The following RBFOX1 variants were observed in gnomAD, a reference collection of about 807,000 sequenced individuals.
The protein encoded by RBFOX1 is RNA binding fox-1 homolog 1, also known as RNA binding protein fox-1 homolog 1.
Under a neutral mutation model 57.7 loss-of-function variants are expected in RBFOX1, and 8 were observed. That is an observed-to-expected ratio of 0.14 (90% CI 0.08 to 0.25). The LOEUF is 0.25. RBFOX1 is among the 10% of genes least tolerant of loss of function. The probability of loss-of-function intolerance (pLI) is 1.00; values close to 1 mark genes in which losing one functional copy is unlikely to be tolerated. For synonymous variants in RBFOX1, 326 were observed against 222.4 expected (o/e 1.47, Z -4.15); for missense variants, 611 against 548.5 (o/e 1.11, Z -1.14).
intron 4 of RBFOX1, among the ~76,000 whole-genome samples, chr16:7,470,990 G>A (rs2061451298): frequency 6.6e-6 from 1 of 151,764 alleles, no homozygotes; most frequent in South Asian, 2.1e-4. Flanking sequence ...TGATCCTACT[G>A]CCAAGATAGA....
chr16:7,426,374 G>A (rs1165830474), intron 4 of RBFOX1, among the ~76,000 whole-genome samples: 1 of 152,186 alleles, frequency 6.6e-6, no homozygotes, highest in Admixed American at 6.5e-5. Context: ...AGCTCTGGGG[G>A]CACCATGGGC....
At chr16:7,374,953 G>C (rs1013484513) in intron 4 of RBFOX1, among the ~76,000 whole-genome samples, 3 of 152,184 alleles carry the variant, frequency 2.0e-5, no homozygotes, top group Admixed American at 6.5e-5. Context: ...ACGGAGCCTG[G>C]AGTAATTTAA....
chr16:7,413,073 T>A (rs1448146805), intron 4 of RBFOX1, among the ~76,000 whole-genome samples: 4 of 151,498 alleles, frequency 2.6e-5, no homozygotes, highest in African/African-American at 9.7e-5. Context: ...AAAATAAAAA[T>A]AAAATAAAAA....
intron 4 of RBFOX1, among the ~76,000 whole-genome samples, chr16:7,251,738 G>T (rs1053707035): frequency 1.2e-4 from 18 of 152,080 alleles, no homozygotes; most frequent in Non-Finnish European, 2.2e-4. Context: ...TCATCTGTCA[G>T]TGCACGCTTA....
At chr16:5,860,176 G>C (rs932677802) in intron 3 of RBFOX1, among the ~76,000 whole-genome samples, 5 of 152,078 alleles carry the variant, frequency 3.3e-5, no homozygotes, top group Admixed American at 1.3e-4. Flanking sequence ...TCCGCCTCCT[G>C]GATTCAAGTG....
At chr16:6,610,022 C>CAA (rs1449232939) in intron 2 of RBFOX1, among the ~76,000 whole-genome samples, 1 of 151,178 alleles carries the variant, frequency 6.6e-6, no homozygotes, top group Admixed American at 6.6e-5. Flanking sequence ...CAAAACAAAA[C>CAA]AAAACAAAAC....
chr16:6,020,011 A>C lies in RBFOX1; in HGVS notation c.-127+19A>C. On this transcript the variant is annotated intron_variant, in intron 1 of 15. Coordinates refer to ENST00000550418, the MANE Select transcript of RBFOX1 (RefSeq NM_018723.4). ...GTTCTAGGTAAGTCCAGGCGGAGTCATTGCCTCTGCACCCACCCTGACCTG... is the reference window on the plus strand; with the variant it reads ...GTTCTAGGTAAGTCCAGGCGGAGTCCTTGCCTCTGCACCCACCCTGACCTG... 1.4e-5 allele frequency: 21 copies of C among 1,507,130 alleles called. No individual in the cohort carries two copies. The highest frequency in any genetic ancestry group is 1.8e-5 in the Non-Finnish European group (20 of 1,127,656). The allele number at this position is 1,507,130 out of a possible 1,614,324, so 93.4% of individuals were successfully genotyped here.
At chr16:6,397,572 G>A (rs1400248190) in intron 2 of RBFOX1, among the ~76,000 whole-genome samples, 1 of 152,202 alleles carries the variant, frequency 6.6e-6, no homozygotes, top group Non-Finnish European at 1.5e-5. Flanking sequence ...GAAAGGAAAT[G>A]ATGCTAGGTG....
chr16:7,344,306 G>A (rs1406892644), intron 4 of RBFOX1, among the ~76,000 whole-genome samples: 10 of 148,940 alleles, frequency 6.7e-5, no homozygotes, highest in Admixed American at 1.3e-4. Context: ...AATATAGTCA[G>A]GGCTAAAAAA....
intron 1 of RBFOX1, among the ~76,000 whole-genome samples, chr16:5,339,083 C>G (rs182279811): frequency 6.6e-6 from 1 of 151,960 alleles, no homozygotes; most frequent in South Asian, 2.1e-4. Context: ...ACAGTTACCA[C>G]GATGTACAGT....
At chr16:6,999,565 A>G (rs1289656065) in intron 3 of RBFOX1, among the ~76,000 whole-genome samples, 3 of 152,114 alleles carry the variant, frequency 2.0e-5, no homozygotes, top group Non-Finnish European at 4.4e-5. Context: ...AGAATAGTAT[A>G]CTGATCCCTC....
intron 3 of RBFOX1, among the ~76,000 whole-genome samples, chr16:5,847,090 G>A (rs926640530): frequency 3.9e-5 from 6 of 152,152 alleles, no homozygotes; most frequent in African/African-American, 9.7e-5. Flanking sequence ...AGGGAATTCC[G>A]AAGTGGCTGT....
chr16:5,938,798 C>A (rs1387803854), intron 4 of RBFOX1, among the ~76,000 whole-genome samples: 1 of 152,120 alleles, frequency 6.6e-6, no homozygotes, highest in Non-Finnish European at 1.5e-5. Flanking sequence ...GGAAGCCCAG[C>A]TGAAAACAGA....
chr16:6,350,524 C>G (rs965423075), intron 2 of RBFOX1, among the ~76,000 whole-genome samples: 2 of 138,564 alleles, frequency 1.4e-5, no homozygotes, highest in African/African-American at 5.5e-5. Context: ...ATATACTTCC[C>G]AACTTCTAAG....
intron 2 of RBFOX1, among the ~76,000 whole-genome samples, chr16:6,539,871 C>G (rs552722811): frequency 1.5e-5 from 2 of 130,518 alleles, no homozygotes; most frequent in Admixed American, 7.8e-5. Context: ...TTCCTACAAG[C>G]TGTCTTTTTG....
chr16:7,617,368 T>C (rs566712266), intron 10 of RBFOX1, among the ~76,000 whole-genome samples: 3 of 152,192 alleles, frequency 2.0e-5, no homozygotes, highest in Non-Finnish European at 4.4e-5. Flanking sequence ...TGTCACAAAA[T>C]AGTTGTTTTT....
chr16:6,552,031 G>C (rs769167937), intron 2 of RBFOX1, among the ~76,000 whole-genome samples: 85 of 152,306 alleles, frequency 5.6e-4, no homozygotes, highest in Admixed American at 1.0e-3. Flanking sequence ...GGAGAGGAAA[G>C]GATGAATTTC....
intron 3 of RBFOX1, among the ~76,000 whole-genome samples, chr16:5,666,688 G>A (rs915440573): frequency 2.6e-5 from 4 of 152,300 alleles, no homozygotes; most frequent in Non-Finnish European, 4.4e-5. Context: ...TGTGAAGGAT[G>A]AGCTCTAATC....
At chr16:6,933,701 C>G (rs774337507) in intron 3 of RBFOX1, among the ~76,000 whole-genome samples, 12 of 152,142 alleles carry the variant, frequency 7.9e-5, no homozygotes, top group South Asian at 2.1e-4. Flanking sequence ...GGGGACAGCA[C>G]GAGACTGCGT....
Sources: gnomAD v4.1 joint callset for allele counts (sites outside exome capture counted in the v4.1 genomes callset) on GRCh38, gnomAD v4.1.1 for gene constraint, MANE v1.5 for transcripts, NCBI Gene and HGNC (gene_info 2026-07-23, HGNC 2026-07-21) for gene names.